SEMA3C: variants seen among roughly 807,000 people sequenced by gnomAD.
The protein encoded by SEMA3C is semaphorin 3C.
A neutral mutation model predicts 89.4 loss-of-function variants in SEMA3C; 47 were observed. The observed-to-expected ratio is 0.53, with a 90% confidence interval of 0.42 to 0.67. The LOEUF (loss-of-function observed/expected upper bound fraction) is 0.67. Ranked by LOEUF, SEMA3C falls within the 30% of genes least tolerant of loss-of-function variation. The probability of loss-of-function intolerance (pLI) is 0.00; values close to 1 mark genes in which losing one functional copy is unlikely to be tolerated. For missense variants in SEMA3C, 839 were observed against 929.1 expected, an observed-to-expected ratio of 0.90 and a Z score of 1.26; for synonymous variants, 310 against 320.2, an observed-to-expected ratio of 0.97 and a Z score of 0.34.
At chr7:80,790,138 G>C (rs1788902449) in intron 11 of SEMA3C, among the ~76,000 whole-genome samples, 1 of 151,984 alleles carries the variant, frequency 6.6e-6, no homozygotes, top group East Asian at 1.9e-4. Context: ...TTAAAAATTA[G>C]CTAGGTGTGG....
intron 2 of SEMA3C, among the ~76,000 whole-genome samples, chr7:80,870,608 A>T (rs1583962941): frequency 6.6e-6 from 1 of 152,214 alleles, no homozygotes; most frequent in African/African-American, 2.4e-5. Flanking sequence ...CAATTCTCAC[A>T]TCAAATCTGG....
intron 2 of SEMA3C, among the ~76,000 whole-genome samples, chr7:80,842,225 A>G (rs1193440421): frequency 6.6e-6 from 1 of 152,128 alleles, no homozygotes; most frequent in Non-Finnish European, 1.5e-5. Context: ...GACTTATCAT[A>G]TACACAATGG....
Position 80,758,368 on chromosome 7 carries a change from C to T in SEMA3C, c.1606G>A (p.Gly536Ser), listed in dbSNP as rs140305695. The T allele has an allele frequency of 4.3e-6, 7 of 1,613,904 alleles. No individual in the cohort carries two copies. Among genetic ancestry groups the T allele is most frequent in the Non-Finnish European group, 5.1e-6 (6 of 1,179,946 alleles). Residue 536 changes from glycine to serine, a missense_variant, in exon 15 of 18, where the codon GGC (glycine) becomes AGC (serine). Gly to Ser is a moderately conservative substitution (Grantham distance 56). Coordinates refer to ENST00000265361, the MANE Select transcript of SEMA3C (RefSeq NM_006379.5). ...GGGTAGAATCTGGAACAGGAATGGC[C>T]ATCCCAGGCGCAATAAGGGTCCCGC... is the stretch of plus-strand genomic sequence containing the variant. Reference protein sequence around the residue: ...LARDPYCAWDGHSCSRFYPTG... With the variant: ...LARDPYCAWDSHSCSRFYPTG...
intron 15 of SEMA3C, among the ~76,000 whole-genome samples, chr7:80,752,692 T>A (rs1013668230): frequency 5.9e-5 from 9 of 152,118 alleles, no homozygotes; most frequent in African/African-American, 2.2e-4. Flanking sequence ...TCAAATTATT[T>A]AATTTCGTGA....
chr7:80,778,422 G>C (rs956830500), intron 12 of SEMA3C, among the ~76,000 whole-genome samples: 1 of 152,110 alleles, frequency 6.6e-6, no homozygotes, highest in Non-Finnish European at 1.5e-5. Flanking sequence ...TTTACTGTTT[G>C]GGGAGAAGAA....
intron 4 of SEMA3C, among the ~76,000 whole-genome samples, chr7:80,819,567 G>T (rs1365505170): frequency 6.6e-6 from 1 of 152,072 alleles, no homozygotes; most frequent in Non-Finnish European, 1.5e-5. Context: ...CCAACAAAAT[G>T]CCAGCATAAT....
chr7:80,914,049 A>T (rs1292272171), intron 2 of SEMA3C, among the ~76,000 whole-genome samples: 1 of 152,222 alleles, frequency 6.6e-6, no homozygotes, highest in Non-Finnish European at 1.5e-5. Context: ...AGGTAAAGTA[A>T]TTACGAGAGA....
Position 80,916,839 on chromosome 7 carries a change from TG to T in SEMA3C, c.-38-21del. 6.3e-7 allele frequency: 1 copy of T among 1,599,290 alleles called. No homozygotes were observed. Among genetic ancestry groups the T allele is most frequent in the Non-Finnish European group, 8.5e-7 (1 of 1,172,270 alleles). ...AAATACCTTTAAGAGAGAGACAACA[TG>T]TTTGTTATATCTCATTTCACATTTT... On this transcript the variant is annotated intron_variant, in intron 1 of 17. Coordinates refer to ENST00000265361, the MANE Select transcript of SEMA3C (RefSeq NM_006379.5).
At chr7:80,829,627 A>G (rs1463673775) in intron 2 of SEMA3C, among the ~76,000 whole-genome samples, 1 of 152,120 alleles carries the variant, frequency 6.6e-6, no homozygotes, top group Non-Finnish European at 1.5e-5. Flanking sequence ...AAATATATGA[A>G]TTTTCAGGTA....
intron 15 of SEMA3C, among the ~76,000 whole-genome samples, chr7:80,753,570 C>G (rs867273682): frequency 7.2e-5 from 11 of 152,152 alleles, no homozygotes; most frequent in African/African-American, 2.4e-4. Flanking sequence ...AGGCAGCCAT[C>G]TGAGCATTTT....
intron 12 of SEMA3C, among the ~76,000 whole-genome samples, chr7:80,782,233 G>A (rs564860778): frequency 2.6e-5 from 4 of 152,144 alleles, no homozygotes; most frequent in African/African-American, 9.6e-5. Context: ...GGTTAAATTC[G>A]AGCACATAAG....
At chr7:80,912,951 C>G (rs375750816) in intron 2 of SEMA3C, among the ~76,000 whole-genome samples, 2 of 152,104 alleles carry the variant, frequency 1.3e-5, no homozygotes, top group Admixed American at 1.3e-4. Context: ...TTCATTAGTT[C>G]ACAGGGATTC....
At chr7:80,804,550 AT>A (rs1366426253) in intron 7 of SEMA3C, among the ~76,000 whole-genome samples, 2 of 152,278 alleles carry the variant, frequency 1.3e-5, no homozygotes, top group Admixed American at 6.5e-5. Flanking sequence ...TTGAAAAAAA[AT>A]ATTTATTTTT....
intron 16 of SEMA3C, among the ~76,000 whole-genome samples, chr7:80,749,643 CT>C (rs1787880589): frequency 6.6e-6 from 1 of 152,142 alleles, no homozygotes; most frequent in Admixed American, 6.6e-5. Flanking sequence ...TGTCTCTGTG[CT>C]TTAGTTTTAC....
chr7:80,849,771 T>C (rs926143487), intron 2 of SEMA3C, among the ~76,000 whole-genome samples: 1 of 152,106 alleles, frequency 6.6e-6, no homozygotes, highest in Non-Finnish European at 1.5e-5. Context: ...GGCAAAGAAG[T>C]ACAAATCATA....
At chr7:80,811,793 A>G (rs1789475123) in intron 5 of SEMA3C, among the ~76,000 whole-genome samples, 1 of 152,174 alleles carries the variant, frequency 6.6e-6, no homozygotes, top group South Asian at 2.1e-4. Context: ...GTTTCCTATT[A>G]CAAGAGTCCA....
chr7:80,889,020 C>T (rs778591625), intron 2 of SEMA3C, among the ~76,000 whole-genome samples: 7 of 152,060 alleles, frequency 4.6e-5, no homozygotes, highest in South Asian at 2.1e-4. Flanking sequence ...TGTGCCACCA[C>T]GCCCAGCTAA....
chr7:80,759,498 T>A (rs185690023), intron 14 of SEMA3C, among the ~76,000 whole-genome samples: 1 of 152,300 alleles, frequency 6.6e-6, no homozygotes, highest in African/African-American at 2.4e-5. Flanking sequence ...CACAGCCTCC[T>A]CACTAGTAAA....
At chr7:80,780,683 A>G (rs115004991) in intron 12 of SEMA3C, among the ~76,000 whole-genome samples, 4,031 of 152,238 alleles carry the variant, frequency 0.026, 142 homozygotes, top group African/African-American at 0.078. Flanking sequence ...CAGGAGTTCA[A>G]GATCAGCCTG....
Sources: gnomAD v4.1 joint callset for allele counts (sites outside exome capture counted in the v4.1 genomes callset) on GRCh38, gnomAD v4.1.1 for gene constraint, MANE v1.5 for transcripts, NCBI Gene and HGNC (gene_info 2026-07-23, HGNC 2026-07-21) for gene names.